Variants in PHEX observed in about 807,000 individuals in gnomAD.
The protein encoded by PHEX is phosphate regulating endopeptidase X-linked, also known as phosphate-regulating neutral endopeptidase PHEX.
In PHEX, 16 loss-of-function variants were observed where a neutral mutation model predicts 68.0. The observed-to-expected ratio is 0.24, with a 90% CI of 0.16 to 0.36. The LOEUF is 0.36. PHEX is among the 10% of genes least tolerant of loss of function. PHEX has a pLI of 1.00. For synonymous variants in PHEX, 208 were observed against 205.1 expected, an observed-to-expected ratio of 1.01 and a Z score of -0.12; for missense variants, 480 against 575.5, an observed-to-expected ratio of 0.83 and a Z score of 1.70.
chrX:22,239,400 G>C (rs1936104229), intron 20 of PHEX, among the ~76,000 whole-genome samples: 1 of 111,024 alleles, frequency 9.0e-6, no homozygotes, highest in African/African-American at 3.3e-5. Context: ...TTGATGAATT[G>C]ACAGAAGTAG....
In PHEX at chrX:22,248,958, T is replaced by A. The variant is rs1052094097; in HGVS notation, c.*1005T>A. Reference sequence around the variant, plus strand: ...TAGTGCAAAGGAACAAACATCACATTGAGGAGGGAGAAGTGTACCCTTCTT... The same window carrying A: ...TAGTGCAAAGGAACAAACATCACATAGAGGAGGGAGAAGTGTACCCTTCTT... On this transcript the variant is annotated 3_prime_UTR_variant, in exon 22 of 22. Coordinates refer to ENST00000379374, the MANE Select transcript of PHEX (RefSeq NM_000444.6). 9.0e-6 allele frequency: 1 copy of A among 110,857 alleles called. No homozygotes were observed. Among genetic ancestry groups the A allele is most frequent in the African/African-American group, 3.3e-5 (1 of 30,470 alleles). The allele number at this position is 110,857 out of a possible 1,213,427, so 9.1% of individuals were successfully genotyped here. A position where few individuals can be genotyped will look rare whatever the true frequency, so the allele number is the denominator to read the frequency against.
chrX:22,110,553 TAACTC>T (rs1448515459), intron 9 of PHEX, among the ~76,000 whole-genome samples: 52 of 110,084 alleles, frequency 4.7e-4, no homozygotes, highest in African/African-American at 1.5e-3. Context: ...CTGCACCCAT[TAACTC>T]AACTCGTCAT....
intron 13 of PHEX, among the ~76,000 whole-genome samples, chrX:22,176,513 A>G (rs1204523002): frequency 9.2e-6 from 1 of 109,240 alleles, no homozygotes; most frequent in Non-Finnish European, 1.9e-5. Context: ...ATTTTAACAC[A>G]TAGTAAACAT....
chrX:22,156,106 A>G (rs1230487020), intron 12 of PHEX, among the ~76,000 whole-genome samples: 1 of 112,070 alleles, frequency 8.9e-6, no homozygotes, highest in African/African-American at 3.2e-5. Flanking sequence ...AGCAAAGTTT[A>G]TTCACTAACC....
intron 5 of PHEX, among the ~76,000 whole-genome samples, chrX:22,077,928 A>G (rs1004484982): frequency 8.9e-6 from 1 of 112,039 alleles, no homozygotes; most frequent in Non-Finnish European, 1.9e-5. Flanking sequence ...GTTTCAAGTG[A>G]TCTGTGATCT....
chrX:22,126,864 GTTTTTTTTTTTTTT>G (rs35691469), intron 11 of PHEX, among the ~76,000 whole-genome samples: 2 of 54,600 alleles, frequency 3.7e-5, no homozygotes, highest in Non-Finnish European at 6.3e-5. Context: ...TGAAATAGTT[GTTTTTTTTTTTTTT>G]TTTTTTTTTT....
At chrX:22,194,092 G>T (rs1934289000) in intron 15 of PHEX, among the ~76,000 whole-genome samples, 2 of 111,836 alleles carry the variant, frequency 1.8e-5, no homozygotes, top group Non-Finnish European at 3.8e-5. Flanking sequence ...CCTTTTTCTT[G>T]CCTGGGAAGG....
At chrX:22,125,264 C>T (rs5951703) in intron 11 of PHEX, among the ~76,000 whole-genome samples, 29,370 of 110,462 alleles carry the variant, frequency 0.27, 6,542 homozygotes, top group African/African-American at 0.74. Context: ...CACATTCCAC[C>T]AATCAGTGGT....
chrX:22,085,878 C>T (rs936822749), intron 5 of PHEX, among the ~76,000 whole-genome samples: 5 of 112,007 alleles, frequency 4.5e-5, no homozygotes, highest in Non-Finnish European at 9.4e-5. Flanking sequence ...ATGATCTATC[C>T]ATTAGAGTGG....
Position 22,097,053 on chromosome X carries a change from T to G in PHEX, c.933+15T>G. The G allele has an allele frequency of 9.1e-7, 1 of 1,101,529 alleles. No individual in the cohort carries two copies. The highest frequency in any genetic ancestry group is 1.8e-5 in the South Asian group (1 of 54,551). The allele number at this position is 1,101,529 out of a possible 1,213,427, so 90.8% of individuals were successfully genotyped here. ...TGATTCCCCAGGTTGGTGAAAACTATCCAGAAAACTTTCTCTCAACTCATC... is the reference window on the plus strand; with the variant it reads ...TGATTCCCCAGGTTGGTGAAAACTAGCCAGAAAACTTTCTCTCAACTCATC... On this transcript the variant is annotated intron_variant, in intron 8 of 21. Coordinates refer to ENST00000379374, the MANE Select transcript of PHEX (RefSeq NM_000444.6).
At chrX:22,176,018 G>C (rs1189819184) in intron 13 of PHEX, among the ~76,000 whole-genome samples, 1 of 111,234 alleles carries the variant, frequency 9.0e-6, no homozygotes, top group Non-Finnish European at 1.9e-5. Flanking sequence ...TGCTAGTAAG[G>C]TTGCTTTCTA....
At chrX:22,247,264 A>G (rs1247487496) in intron 21 of PHEX, among the ~76,000 whole-genome samples, 1 of 112,619 alleles carries the variant, frequency 8.9e-6, no homozygotes, top group Non-Finnish European at 1.9e-5. Flanking sequence ...ATAGCTGGAA[A>G]TGCAACAACA....
intron 20 of PHEX, among the ~76,000 whole-genome samples, chrX:22,234,299 C>G (rs1198699507): frequency 8.9e-6 from 1 of 112,683 alleles, no homozygotes; most frequent in East Asian, 2.8e-4. Flanking sequence ...CAGTCTGACC[C>G]TTAGCAGAGC....
chrX:22,041,498 C>T (rs1340504784), intron 2 of PHEX, among the ~76,000 whole-genome samples: 1 of 108,357 alleles, frequency 9.2e-6, no homozygotes, highest in Non-Finnish European at 1.9e-5. Flanking sequence ...TGGCTCCTTT[C>T]CGTCTTTTCC....
intron 20 of PHEX, among the ~76,000 whole-genome samples, chrX:22,232,287 C>T (rs1411181703): frequency 9.0e-6 from 1 of 110,917 alleles, no homozygotes; most frequent in Non-Finnish European, 1.9e-5. Flanking sequence ...CTATTAGGTC[C>T]ACTTGGTCCA....
At chrX:22,112,498 C>T (rs1197868013) in intron 10 of PHEX, among the ~76,000 whole-genome samples, 3 of 112,048 alleles carry the variant, frequency 2.7e-5, no homozygotes, top group Non-Finnish European at 3.8e-5. Context: ...ATTCAAGAGG[C>T]ATTTTAGTTA....
At chrX:22,093,876 A>C in intron 6 of PHEX, 107 bp from the exon 7 acceptor site, 1 of 531,953 alleles carries the variant, frequency 1.9e-6, no homozygotes, top group Non-Finnish European at 3.4e-6. Context: ...ACAGAGTGAA[A>C]ATAAAAGACA....
Position 22,168,340 on chromosome X carries a change from A to C in PHEX, c.1433A>C (p.Tyr478Ser), listed in dbSNP as rs1397057750. 8.3e-7 allele frequency: 1 copy of C among 1,200,808 alleles called. No homozygotes were observed. The highest frequency in any genetic ancestry group is 1.8e-5 in the South Asian group (1 of 56,742). The change falls in exon 13 of 22, where the codon TAT becomes TCT. Residue 478 changes from tyrosine (Y) to serine (S), a missense_variant. Physicochemically the swap from Tyr to Ser is moderately radical, Grantham distance 144. Transcript: ENST00000379374. ...AGAGCTGTTTTGGCAAAAGTTGGCT[A>C]TCCAGAGTTTATAATGAATGATACT... Reference protein sequence around the residue: ...KARAVLAKVGYPEFIMNDTHV... With the variant: ...KARAVLAKVGSPEFIMNDTHV...
rs60992917 is a variant in PHEX, at chrX:22,123,922, C to T, written c.1302+9336C>T. ...TCTTGGCTCACTGCAAGCTCTGCCT[C>T]CCGGGTTCACGCCATTTTCCCGCCT... On this transcript the variant is annotated intron_variant, in intron 11 of 21. Coordinates refer to ENST00000379374, the MANE Select transcript of PHEX (RefSeq NM_000444.6). 5.7e-3 allele frequency among the ~76,000 whole-genome samples: 620 copies of T among 107,941 alleles called. 5 individuals are homozygous for T. The highest frequency in any genetic ancestry group is 0.02 in the African/African-American group (594 of 29,236). 93.7% of individuals were successfully genotyped at this position (107,941 alleles called of 115,157 possible).
Sources: gnomAD v4.1 joint callset for allele counts (sites outside exome capture counted in the v4.1 genomes callset) on GRCh38, gnomAD v4.1.1 for gene constraint, MANE v1.5 for transcripts, NCBI Gene and HGNC (gene_info 2026-07-23, HGNC 2026-07-21) for gene names.